PBLD: variants seen among roughly 807,000 people sequenced by gnomAD.
PBLD encodes the protein phenazine biosynthesis like protein domain containing, also known as phenazine biosynthesis-like domain-containing protein.
In PBLD, 26 loss-of-function variants were observed where a neutral mutation model predicts 31.3. That is an observed-to-expected ratio of 0.83 (90% CI 0.61 to 1.15). PBLD has a LOEUF of 1.15. PBLD is among the 50% of genes most tolerant of loss of function. PBLD has a pLI of 0.00. For synonymous variants in PBLD, 114 were observed against 129.0 expected, an observed-to-expected ratio of 0.88 and a Z score of 0.79; for missense variants, 307 against 351.7, an observed-to-expected ratio of 0.87 and a Z score of 1.02.
chr10:68,296,772 G>T (rs1213457972), intron 3 of PBLD, 114 bp downstream of exon 3: 20 of 907,030 alleles, frequency 2.2e-5, no homozygotes, highest in Non-Finnish European at 3.5e-5. Flanking sequence ...GGGAGGCTGA[G>T]GCACAATAAT....
At chr10:68,296,763 G>C in intron 3 of PBLD, 123 bp downstream of exon 3, 1 of 827,688 alleles carries the variant, frequency 1.2e-6, no homozygotes, top group Non-Finnish European at 2.0e-6. Context: ...CAGCACTTCG[G>C]GAGGCTGAGG....
At chr10:68,291,081 A>G (rs1231045136) in intron 6 of PBLD, among the ~76,000 whole-genome samples, 2 of 152,186 alleles carry the variant, frequency 1.3e-5, no homozygotes, top group African/African-American at 4.8e-5. Context: ...AGAAATACCC[A>G]AGTAGTACTC....
intron 6 of PBLD, among the ~76,000 whole-genome samples, chr10:68,291,618 G>A (rs1276921227): frequency 2.0e-5 from 3 of 152,026 alleles, no homozygotes; most frequent in Admixed American, 2.0e-4. Context: ...CCATGCTCGG[G>A]GCCCATTCCT....
intron 1 of PBLD, among the ~76,000 whole-genome samples, chr10:68,323,092 T>A (rs780863467): frequency 6.6e-6 from 1 of 151,732 alleles, no homozygotes; most frequent in Non-Finnish European, 1.5e-5. Flanking sequence ...AGGAATTCTA[T>A]GTAATATCTT....
At chr10:68,316,401 A>C (rs2044736736) in intron 1 of PBLD, among the ~76,000 whole-genome samples, 1 of 152,166 alleles carries the variant, frequency 6.6e-6, no homozygotes, top group Non-Finnish European at 1.5e-5. Flanking sequence ...GCAAAAGAAA[A>C]GGCCAGTGAA....
intron 6 of PBLD, among the ~76,000 whole-genome samples, chr10:68,291,593 C>G (rs1442062966): frequency 6.6e-6 from 1 of 152,176 alleles, no homozygotes; most frequent in Non-Finnish European, 1.5e-5. Flanking sequence ...AACTTTCACA[C>G]CTGAACTTGC....
intron 1 of PBLD, among the ~76,000 whole-genome samples, chr10:68,308,761 G>C (rs1383837403): frequency 2.0e-5 from 3 of 149,428 alleles, no homozygotes; most frequent in African/African-American, 7.4e-5. Context: ...GGCTGGTCTG[G>C]AACTCCTCAC....
At chr10:68,319,340 C>T (rs534299114) in intron 1 of PBLD, among the ~76,000 whole-genome samples, 3 of 152,262 alleles carry the variant, frequency 2.0e-5, no homozygotes, top group African/African-American at 7.2e-5. Flanking sequence ...CATTTAAGTG[C>T]TTAAACTCTC....
chr10:68,301,456 T>C (rs2044505259), intron 2 of PBLD, among the ~76,000 whole-genome samples: 1 of 152,190 alleles, frequency 6.6e-6, no homozygotes, highest in East Asian at 1.9e-4. Context: ...CTGGTCCAGA[T>C]GCACATGCAC....
intron 8 of PBLD, among the ~76,000 whole-genome samples, chr10:68,286,691 G>A (rs1219524191): frequency 6.6e-6 from 1 of 152,092 alleles, no homozygotes; most frequent in Non-Finnish European, 1.5e-5. Flanking sequence ...GGCACCAAAA[G>A]AACTTCTTTT....
Position 68,318,033 on chromosome 10 carries a change from C to T in PBLD, c.-59-11130G>A, listed in dbSNP as rs182001919. ...ACGAGGTCAGGAGATCGAGACCATC[C>T]TGGATAACACAGGGAAACCCCGTCT... On this transcript the variant is annotated intron_variant, in intron 1 of 9. Coordinates refer to ENST00000358769, the MANE Select transcript of PBLD (RefSeq NM_022129.4). Among the ~76,000 whole-genome samples the T allele has an allele frequency of 4.0e-3, 609 of 152,134 alleles. 8 individuals are homozygous for T. Among genetic ancestry groups the T allele is most frequent in the African/African-American group, 0.014 (565 of 41,498 alleles).
chr10:68,322,513 A>C (rs1268138244), intron 1 of PBLD, among the ~76,000 whole-genome samples: 2 of 151,508 alleles, frequency 1.3e-5, no homozygotes, highest in Non-Finnish European at 2.9e-5. Flanking sequence ...ATTAAAAAAA[A>C]AAAAAACAGG....
At chr10:68,332,041 G>A (rs775766403) in intron 1 of PBLD, 1 of 152,666 alleles carries the variant, frequency 6.6e-6, no homozygotes, top group Non-Finnish European at 1.5e-5. Context: ...CTTCTTGCTC[G>A]TTCCCTCCCA....
chr10:68,309,130 G>A (rs1203662193), intron 1 of PBLD, among the ~76,000 whole-genome samples: 1 of 149,870 alleles, frequency 6.7e-6, no homozygotes, highest in Non-Finnish European at 1.5e-5. Context: ...TTCATGGCCT[G>A]GTGCAGTGGC....
chr10:68,297,836 G>A (rs956898484), intron 2 of PBLD, among the ~76,000 whole-genome samples: 3 of 152,150 alleles, frequency 2.0e-5, no homozygotes, highest in African/African-American at 7.2e-5. Context: ...GTTAGGCATG[G>A]TGGCTCACGC....
intron 2 of PBLD, among the ~76,000 whole-genome samples, chr10:68,300,268 G>C (rs2044488377): frequency 1.3e-5 from 2 of 152,094 alleles, no homozygotes; most frequent in Non-Finnish European, 2.9e-5. Context: ...CACGTAGTAG[G>C]TACTTGATAC....
rs1187029021 is a variant in PBLD, at chr10:68,332,824, C to T, written c.-100G>A. The T allele has an allele frequency of 6.6e-6, 1 of 152,372 alleles. No homozygotes were observed. The highest frequency in any genetic ancestry group is 1.5e-5 in the Non-Finnish European group (1 of 68,190). 9.4% of individuals were successfully genotyped at this position (152,372 alleles called of 1,614,324 possible). A position where few individuals can be genotyped will look rare whatever the true frequency, so the allele number is the denominator to read the frequency against. On this transcript the variant is annotated 5_prime_UTR_variant, in exon 1 of 10. Coordinates refer to ENST00000358769, the MANE Select transcript of PBLD (RefSeq NM_022129.4). ...TGCGAGTGACTTCTGACGCAGATTC[C>T]CAAGATGAGAGAGGCTGGAGCTGGG...
chr10:68,321,339 G>C (rs1178527735), intron 1 of PBLD, among the ~76,000 whole-genome samples: 1 of 152,100 alleles, frequency 6.6e-6, no homozygotes, highest in African/African-American at 2.4e-5. Context: ...GAAGACTTGA[G>C]TAACACTATA....
intron 2 of PBLD, among the ~76,000 whole-genome samples, chr10:68,303,196 A>G (rs1419378674): frequency 6.6e-6 from 1 of 151,782 alleles, no homozygotes; most frequent in African/African-American, 2.4e-5. Context: ...GCCTCAGCCT[A>G]CCGAGTAGCT....
Sources: allele counts gnomAD v4.1 joint callset (sites outside exome capture counted in the v4.1 genomes callset), GRCh38; gene constraint gnomAD v4.1.1; transcripts MANE v1.5; gene names NCBI Gene and HGNC (gene_info 2026-07-23, HGNC 2026-07-21).